Variants in LUZP1 observed in about 807,000 individuals in gnomAD.
The protein encoded by LUZP1 is leucine zipper protein 1.
Under a neutral mutation model 71.3 loss-of-function variants are expected in LUZP1, and 25 were observed. The observed-to-expected ratio is 0.35, with a 90% CI of 0.26 to 0.49. The LOEUF (loss-of-function observed/expected upper bound fraction) is 0.49, where lower values mean the gene tolerates loss of function less well. Ranked by LOEUF, LUZP1 falls within the 20% of genes least tolerant of loss-of-function variation. LUZP1 has a pLI of 0.99. For missense variants in LUZP1, 1,142 were observed against 1,300.8 expected, an observed-to-expected ratio of 0.88 and a Z score of 1.88; for synonymous variants, 481 against 506.4, an observed-to-expected ratio of 0.95 and a Z score of 0.67.
intron 2 of LUZP1, among the ~76,000 whole-genome samples, chr1:23,167,814 G>C (rs1644521901): frequency 6.6e-6 from 1 of 152,106 alleles, no homozygotes; most frequent in Admixed American, 6.5e-5. Context: ...TCCGCAGCCA[G>C]AGGCCACCAG....
chr1:23,158,602 G>C (rs1425936299), intron 2 of LUZP1, among the ~76,000 whole-genome samples: 1 of 135,138 alleles, frequency 7.4e-6, no homozygotes, highest in Non-Finnish European at 1.5e-5. Flanking sequence ...AGCCGAGATC[G>C]TGCCATTGCA....
At chr1:23,140,626 CAAG>C (rs1184035795) in intron 2 of LUZP1, 4 of 152,170 alleles carry the variant, frequency 2.6e-5, no homozygotes, top group Admixed American at 1.3e-4. Context: ...CCTGGACCAC[CAAG>C]GAGGAGGGCA....
At chr1:23,110,443 GC>G (rs1224088115) in intron 2 of LUZP1, among the ~76,000 whole-genome samples, 1 of 152,078 alleles carries the variant, frequency 6.6e-6, no homozygotes, top group Non-Finnish European at 1.5e-5. Flanking sequence ...TAAACCTAAA[GC>G]TTTTGTACAT....
chr1:23,176,979 T>C (rs937485882), intron 1 of LUZP1, among the ~76,000 whole-genome samples: 28 of 151,928 alleles, frequency 1.8e-4, no homozygotes, highest in African/African-American at 6.8e-4. Flanking sequence ...ACTCCTGGGC[T>C]CAAGCAATCC....
chr1:23,124,141 A>C (rs1402868677), intron 2 of LUZP1, among the ~76,000 whole-genome samples: 1 of 152,232 alleles, frequency 6.6e-6, no homozygotes, highest in African/African-American at 2.4e-5. Flanking sequence ...TGCTGTGAGC[A>C]AGAGCAAATG....
intron 2 of LUZP1, among the ~76,000 whole-genome samples, chr1:23,159,372 C>T (rs1439918582): frequency 6.6e-6 from 1 of 152,020 alleles, no homozygotes; most frequent in Non-Finnish European, 1.5e-5. Context: ...GCTCCCCTCC[C>T]AAAGATAAAA....
chr1:23,116,329 G>A (rs1361837114), intron 2 of LUZP1, among the ~76,000 whole-genome samples: 1 of 152,148 alleles, frequency 6.6e-6, no homozygotes, highest in African/African-American at 2.4e-5. Flanking sequence ...GCAGTGAGTG[G>A]AGCCACTATA....
intron 2 of LUZP1, among the ~76,000 whole-genome samples, chr1:23,132,326 A>G (rs1644221356): frequency 6.6e-6 from 1 of 152,184 alleles, no homozygotes; most frequent in South Asian, 2.1e-4. Flanking sequence ...AATCCTTGAC[A>G]CTGCCATCCC....
intron 2 of LUZP1, among the ~76,000 whole-genome samples, chr1:23,163,239 A>G (rs75647935): frequency 2.1e-5 from 3 of 143,156 alleles, no homozygotes; most frequent in African/African-American, 7.9e-5. Context: ...GACTCTCTCA[A>G]AAAAAAAAAA....
chr1:23,173,635 G>T (rs989426788), intron 1 of LUZP1, among the ~76,000 whole-genome samples: 5 of 152,102 alleles, frequency 3.3e-5, no homozygotes, highest in Non-Finnish European at 7.4e-5. Flanking sequence ...GGGATTACAG[G>T]TGTGAGACAC....
chr1:23,083,885 A>C (rs943357679), downstream of LUZP1: 5 of 152,264 alleles, frequency 3.3e-5, no homozygotes, highest in Non-Finnish European at 5.9e-5. Context: ...GTCCTGTAGA[A>C]GCAGTGGACT....
intron 2 of LUZP1, among the ~76,000 whole-genome samples, chr1:23,141,413 TCAACCA>T (rs1644302565): frequency 1.3e-5 from 2 of 152,134 alleles, no homozygotes; most frequent in Non-Finnish European, 2.9e-5. Flanking sequence ...GTCCTTGCCC[TCAACCA>T]CTCACATGGG....
chr1:23,122,058 TTAAG>T (rs908150985), intron 2 of LUZP1, among the ~76,000 whole-genome samples: 4 of 152,030 alleles, frequency 2.6e-5, no homozygotes, highest in Admixed American at 1.3e-4. Flanking sequence ...TAAAAAGACT[TTAAG>T]TAATTGACAT....
At chr1:23,098,507 T>G (rs1035287912) in intron 3 of LUZP1, among the ~76,000 whole-genome samples, 1 of 151,872 alleles carries the variant, frequency 6.6e-6, no homozygotes, top group African/African-American at 2.4e-5. Context: ...AGAGAAATAA[T>G]TGAGAGGTAA....
At chr1:23,135,637 T>C (rs1318930177) in intron 2 of LUZP1, among the ~76,000 whole-genome samples, 2 of 152,206 alleles carry the variant, frequency 1.3e-5, no homozygotes, top group African/African-American at 4.8e-5. Context: ...AGCACTCACA[T>C]TGGACCGGAG....
intron 2 of LUZP1, chr1:23,140,295 AC>A (rs111553548): frequency 3.2e-4 from 48 of 152,232 alleles, no homozygotes; most frequent in African/African-American, 1.1e-3. Context: ...AAGAAAGGGT[AC>A]TACACATATT....
At chr1:23,109,711 A>G (rs984185164) in intron 2 of LUZP1, 3 of 152,204 alleles carry the variant, frequency 2.0e-5, no homozygotes, top group Admixed American at 2.0e-4. Context: ...AACATAAACG[A>G]ATTTCATGTT....
intron 2 of LUZP1, among the ~76,000 whole-genome samples, chr1:23,134,654 G>A (rs931126032): frequency 2.2e-4 from 33 of 152,006 alleles, no homozygotes; most frequent in African/African-American, 7.2e-4. Flanking sequence ...GGTGGCGCAC[G>A]CCTCTGGTCC....
intron 1 of LUZP1, among the ~76,000 whole-genome samples, chr1:23,177,076 G>C (rs200426676): frequency 0.01 from 1,033 of 100,958 alleles, 49 homozygotes; most frequent in Admixed American, 0.075. Flanking sequence ...AGGATGATGG[G>C]GGGGGGGTCT....
Sources: allele counts gnomAD v4.1 joint callset (sites outside exome capture counted in the v4.1 genomes callset), GRCh38; gene constraint gnomAD v4.1.1; transcripts MANE v1.5; gene names NCBI Gene and HGNC (gene_info 2026-07-23, HGNC 2026-07-21).